ASCC3: variants seen among roughly 807,000 people sequenced by gnomAD.
ASCC3 encodes ASC-1 complex subunit P200.
A neutral mutation model predicts 256.3 loss-of-function variants in ASCC3; 158 were observed. That is an observed-to-expected ratio of 0.62 (90% CI 0.54 to 0.70). The LOEUF is 0.70. Among genes scored for constraint, ASCC3 ranks in the 30% least tolerant of loss-of-function variants. ASCC3 has a pLI of 0.00. For synonymous variants in ASCC3, 948 were observed against 883.4 expected, an observed-to-expected ratio of 1.07 and a Z score of -1.30; for missense variants, 2,259 against 2,626.0, an observed-to-expected ratio of 0.86 and a Z score of 3.05.
intron 13 of ASCC3, among the ~76,000 whole-genome samples, chr6:100,703,733 C>T (rs1234030783): frequency 6.6e-6 from 1 of 151,832 alleles, no homozygotes; most frequent in Non-Finnish European, 1.5e-5. Flanking sequence ...TGGCATTTGG[C>T]CCATATAGGA....
At chr6:100,635,150 T>G (rs2114875783) in intron 25 of ASCC3, among the ~76,000 whole-genome samples, 1 of 152,118 alleles carries the variant, frequency 6.6e-6, no homozygotes, top group Admixed American at 6.5e-5. Flanking sequence ...GGAAACAATC[T>G]AAGTGCCTCA....
In ASCC3 at chr6:100,845,584, A is replaced by T. The variant is rs147665648; in HGVS notation, c.801+2564T>A. Among the ~76,000 whole-genome samples, 12 of 152,276 alleles carry T rather than the reference A, an allele frequency of 7.9e-5. No individual in the cohort carries two copies. The East Asian group carries it at 2.1e-3, about 27-fold the overall frequency. On this transcript the variant is annotated intron_variant, in intron 4 of 41. Transcript: ENST00000369162. The stretch of plus-strand genomic sequence containing the variant: ...AAGCACTGCTATAAAGATTAAATGA[A>T]GTCATGCACATAAAGCACTTAACAT...
At chr6:100,692,132 G>C (rs951038747) in intron 13 of ASCC3, among the ~76,000 whole-genome samples, 2 of 152,004 alleles carry the variant, frequency 1.3e-5, no homozygotes, top group Non-Finnish European at 2.9e-5. Context: ...TGTGGCAAGA[G>C]GAAAGCAAAA....
chr6:100,852,261 A>C (rs2114514741), intron 3 of ASCC3, among the ~76,000 whole-genome samples: 1 of 152,328 alleles, frequency 6.6e-6, no homozygotes, highest in Non-Finnish European at 1.5e-5. Context: ...CTTACCCTCA[A>C]CAAAAATGTA....
At chr6:100,841,092 TAA>T (rs1346421416) in intron 4 of ASCC3, among the ~76,000 whole-genome samples, 2 of 152,138 alleles carry the variant, frequency 1.3e-5, no homozygotes, top group Non-Finnish European at 1.5e-5. Context: ...TTCGGAAAGA[TAA>T]AAGAGTCATT....
intron 25 of ASCC3, among the ~76,000 whole-genome samples, chr6:100,635,849 A>C (rs971150174): frequency 2.6e-5 from 4 of 152,178 alleles, no homozygotes; most frequent in Admixed American, 6.5e-5. Context: ...AAGCTACTCT[A>C]TATTTAATAT....
intron 34 of ASCC3, among the ~76,000 whole-genome samples, chr6:100,599,976 A>T (rs1772515793): frequency 6.6e-6 from 1 of 152,020 alleles, no homozygotes; most frequent in Non-Finnish European, 1.5e-5. Context: ...TGACCCAGTG[A>T]GGGAGGGAGG....
At chr6:100,827,857 T>C (rs1771399100) in intron 4 of ASCC3, among the ~76,000 whole-genome samples, 1 of 151,934 alleles carries the variant, frequency 6.6e-6, no homozygotes, top group Non-Finnish European at 1.5e-5. Context: ...CTACTAAGCA[T>C]ACACCATTAA....
At chr6:100,867,725 T>C (rs531025478) in intron 2 of ASCC3, among the ~76,000 whole-genome samples, 183 bp downstream of exon 2, 1 of 152,318 alleles carries the variant, frequency 6.6e-6, no homozygotes, top group South Asian at 2.1e-4. Flanking sequence ...AATATGGTTT[T>C]AGATGCTAAA....
chr6:100,769,775 T>C (rs1391994318), intron 8 of ASCC3, among the ~76,000 whole-genome samples: 1 of 151,706 alleles, frequency 6.6e-6, no homozygotes, highest in African/African-American at 2.4e-5. Flanking sequence ...CTAGAGATAA[T>C]ATAGATATTA....
intron 30 of ASCC3, among the ~76,000 whole-genome samples, chr6:100,608,097 C>CACATATATGTATATATATCTATATAT (rs1773028174): frequency 4.4e-5 from 2 of 45,026 alleles, no homozygotes; most frequent in African/African-American, 8.6e-5. Context: ...TATCTATATA[C>CACATATATGTATATATATCTATATAT]ACATATATAT....
At chr6:100,579,702 C>G (rs1181657514) in intron 36 of ASCC3, among the ~76,000 whole-genome samples, 1 of 152,092 alleles carries the variant, frequency 6.6e-6, no homozygotes, top group Non-Finnish European at 1.5e-5. Context: ...TGTTTTTCTG[C>G]TAGCACCATG....
At chr6:100,724,466 A>C (rs973210249) in intron 11 of ASCC3, among the ~76,000 whole-genome samples, 18 of 151,856 alleles carry the variant, frequency 1.2e-4, no homozygotes, top group African/African-American at 4.3e-4. Context: ...TTTGGTAAAG[A>C]CAGAAGGGAC....
At chr6:100,623,761 A>C (rs965949109) in intron 30 of ASCC3, among the ~76,000 whole-genome samples, 4 of 152,156 alleles carry the variant, frequency 2.6e-5, no homozygotes, top group Admixed American at 2.6e-4. Flanking sequence ...CTATATATTA[A>C]ATCTATAGAG....
chr6:100,699,644 T>A (rs1335183104), intron 13 of ASCC3, among the ~76,000 whole-genome samples: 1 of 152,038 alleles, frequency 6.6e-6, no homozygotes, highest in Admixed American at 6.6e-5. Flanking sequence ...GACAGGAAGA[T>A]GTGGGAAAGT....
intron 13 of ASCC3, among the ~76,000 whole-genome samples, chr6:100,714,144 G>A (rs909798674): frequency 5.9e-5 from 9 of 152,078 alleles, no homozygotes; most frequent in African/African-American, 1.7e-4. Context: ...GTCCATAGCC[G>A]CTTTCATGCT....
chr6:100,737,977 T>C (rs916293940), intron 10 of ASCC3, among the ~76,000 whole-genome samples: 8 of 152,202 alleles, frequency 5.3e-5, no homozygotes, highest in Non-Finnish European at 1.2e-4. Context: ...TAATGATCAG[T>C]GATGTTGAGC....
chr6:100,647,514 TCTA>T, intron 20 of ASCC3, 63 bp from the exon 21 acceptor site: 1 of 1,418,416 alleles, frequency 7.1e-7, no homozygotes. Context: ...TGTCAATAAA[TCTA>T]TTATTCAAAC....
chr6:100,646,092 A>T (rs1775366197), intron 22 of ASCC3, among the ~76,000 whole-genome samples: 2 of 152,174 alleles, frequency 1.3e-5, no homozygotes, highest in South Asian at 4.1e-4. Context: ...CTAAAATGAC[A>T]AAGTAGACAT....
Sources: allele counts gnomAD v4.1 joint callset (sites outside exome capture counted in the v4.1 genomes callset), GRCh38; gene constraint gnomAD v4.1.1; transcripts MANE v1.5; gene names NCBI Gene and HGNC (gene_info 2026-07-23, HGNC 2026-07-21).